The following FRS2 variants were observed in gnomAD, a reference collection of about 807,000 sequenced individuals.
The protein encoded by FRS2 is fibroblast growth factor receptor substrate 2, also known as FGFR signalling adaptor.
FRS2 carries 8 observed loss-of-function variants against 43.9 expected under a neutral mutation model. The observed-to-expected ratio is 0.18, with a 90% CI of 0.11 to 0.33. The LOEUF (loss-of-function observed/expected upper bound fraction) is 0.33. FRS2 is among the 10% of genes least tolerant of loss of function. FRS2 has a pLI of 1.00. For missense variants in FRS2, 534 were observed against 627.6 expected, an observed-to-expected ratio of 0.85 and a Z score of 1.59; for synonymous variants, 219 against 220.3, an observed-to-expected ratio of 0.99 and a Z score of 0.05.
intron 1 of FRS2, among the ~76,000 whole-genome samples, chr12:69,476,743 G>C (rs1218833294): frequency 2.1e-5 from 3 of 143,114 alleles, no homozygotes; most frequent in African/African-American, 5.3e-5. Flanking sequence ...AGGCGGCTGT[G>C]GGGGAGGGAC....
intron 4 of FRS2, among the ~76,000 whole-genome samples, chr12:69,562,503 A>G (rs1478716590): frequency 2.0e-5 from 3 of 151,930 alleles, no homozygotes; most frequent in African/African-American, 7.3e-5. Context: ...GTTTTCTTGA[A>G]CTGCAACCAT....
chr12:69,478,889 G>A (rs933539308), intron 1 of FRS2, among the ~76,000 whole-genome samples: 3 of 151,034 alleles, frequency 2.0e-5, no homozygotes, highest in African/African-American at 4.9e-5. Context: ...TTAAGTAACC[G>A]CCATCTGAAT....
rs947361583 is a variant in FRS2 at position 69,532,004 on chromosome 12, A to G, written c.-164-10A>G. The G allele has an allele frequency of 6.5e-6, 1 of 152,686 alleles. No homozygotes were observed. The highest frequency in any genetic ancestry group is 1.9e-4 in the East Asian group (1 of 5,192). The allele number at this position is 152,686 out of a possible 1,614,324, so 9.5% of individuals were successfully genotyped here. A position where few individuals can be genotyped will look rare whatever the true frequency, so the allele number is the denominator to read the frequency against. Reference sequence around the variant, plus strand: ...CTAACATTTCCACTTTCTACCTGAAATTTTTTTAGGAACAAAATTGTATCT... The same window carrying G: ...CTAACATTTCCACTTTCTACCTGAAGTTTTTTTAGGAACAAAATTGTATCT... On this transcript the variant is annotated splice_polypyrimidine_tract_variant and intron_variant, in intron 2 of 8. Coordinates refer to ENST00000549921, the MANE Select transcript of FRS2 (RefSeq NM_001278356.2).
At chr12:69,518,191 A>T (rs1172144489) in intron 1 of FRS2, among the ~76,000 whole-genome samples, 1 of 152,198 alleles carries the variant, frequency 6.6e-6, no homozygotes, top group Non-Finnish European at 1.5e-5. Context: ...ATGAAACATG[A>T]ATTCTACTTC....
At position 69,471,521 on chromosome 12, in the gene FRS2, G is replaced by C. The variant is rs77636534; in HGVS notation, c.-261+991G>C. On this transcript the variant is annotated intron_variant, in intron 1 of 8. Coordinates refer to ENST00000549921, the MANE Select transcript of FRS2 (RefSeq NM_001278356.2). ...TTGCTGCAATGCAGAGTTTCACACA[G>C]GTGGGCAGAGATGTTTTGTTTAAAC... Among the ~76,000 whole-genome samples the C allele has an allele frequency of 1.3e-3, 191 of 152,338 alleles. 2 individuals carry two copies. In the East Asian group the frequency reaches 0.035, roughly 28 times the overall value.
chr12:69,527,423 AT>A (rs1876369420), intron 1 of FRS2, among the ~76,000 whole-genome samples: 1 of 140,968 alleles, frequency 7.1e-6, no homozygotes, highest in African/African-American at 2.7e-5. Context: ...GGCTCAAAGA[AT>A]CCTCCTGCCT....
Position 69,574,037 on chromosome 12 carries a change from A to G in FRS2, c.609A>G (p.Gln203=). Residue 203 remains glutamine (Q), a synonymous_variant, in exon 9 of 9, where the codon CAA becomes CAG. Coordinates refer to ENST00000549921, the MANE Select transcript of FRS2 (RefSeq NM_001278356.2). ...CCTATGTCAACACTACAGGTGTGCA[A>G]GAAGAGCGGAAAAACCGCACAAGTG... is the stretch of plus-strand genomic sequence containing the variant. The part of the protein sequence containing the change: ...VHTYVNTTGV[Q]EERKNRTSVH... 6.2e-7 allele frequency: 1 copy of G among 1,613,754 alleles called. No homozygotes were observed. Among genetic ancestry groups the G allele is most frequent in the South Asian group, 1.1e-5 (1 of 91,020 alleles).
intron 3 of FRS2, among the ~76,000 whole-genome samples, chr12:69,550,740 G>A (rs1013595073): frequency 4.6e-5 from 7 of 152,208 alleles, no homozygotes; most frequent in South Asian, 2.1e-4. Flanking sequence ...TTTCTATTTA[G>A]AAGGATGAAT....
intron 3 of FRS2, among the ~76,000 whole-genome samples, chr12:69,540,080 C>T (rs777811635): frequency 6.6e-6 from 1 of 151,850 alleles, no homozygotes; most frequent in Admixed American, 6.6e-5. Flanking sequence ...AGTGAAACCT[C>T]GTCTCTACTA....
At chr12:69,498,571 C>G (rs1044537217) in intron 1 of FRS2, among the ~76,000 whole-genome samples, 2 of 108,486 alleles carry the variant, frequency 1.8e-5, no homozygotes, top group Admixed American at 8.7e-5. Flanking sequence ...TTGTTTGTTT[C>G]GTTTTTTTTT....
intron 3 of FRS2, chr12:69,538,129 C>T (rs571035475): frequency 6.7e-6 from 1 of 148,996 alleles, no homozygotes; most frequent in African/African-American, 2.5e-5. Flanking sequence ...CAAGAGCCAC[C>T]TTTCGTAGCT....
chr12:69,529,748 A>G (rs1334797282), intron 1 of FRS2, among the ~76,000 whole-genome samples: 1 of 152,154 alleles, frequency 6.6e-6, no homozygotes, highest in African/African-American at 2.4e-5. Context: ...CATGGAATTC[A>G]TTGTTTTAGG....
At chr12:69,511,435 A>G (rs1874445189) in intron 1 of FRS2, among the ~76,000 whole-genome samples, 1 of 152,232 alleles carries the variant, frequency 6.6e-6, no homozygotes, top group South Asian at 2.1e-4. Context: ...TGTTTTATAA[A>G]TGGAATAAAA....
intron 1 of FRS2, among the ~76,000 whole-genome samples, chr12:69,473,208 G>T (rs959701958): frequency 1.3e-5 from 2 of 152,216 alleles, no homozygotes; most frequent in African/African-American, 4.8e-5. Context: ...AATGAGGACA[G>T]TGAGGCTCAA....
chr12:69,478,247 A>G (rs940586639), intron 1 of FRS2, among the ~76,000 whole-genome samples: 2 of 152,154 alleles, frequency 1.3e-5, no homozygotes, highest in African/African-American at 4.8e-5. Context: ...TTTTAAAATT[A>G]TCAATGTATT....
intron 1 of FRS2, among the ~76,000 whole-genome samples, chr12:69,521,249 A>G (rs547453649): frequency 6.6e-6 from 1 of 152,120 alleles, no homozygotes; most frequent in African/African-American, 2.4e-5. Context: ...TAGTACATTG[A>G]TTTTGTATCC....
At chr12:69,530,246 A>G (rs1876657883) in intron 1 of FRS2, among the ~76,000 whole-genome samples, 1 of 151,996 alleles carries the variant, frequency 6.6e-6, no homozygotes, top group South Asian at 2.1e-4. Flanking sequence ...TTCAGAATGT[A>G]CTATATTAGG....
intron 1 of FRS2, among the ~76,000 whole-genome samples, chr12:69,497,212 G>A (rs1359843955): frequency 1.3e-5 from 2 of 152,222 alleles, no homozygotes; most frequent in African/African-American, 2.4e-5. Flanking sequence ...TAATTCATTG[G>A]TGGTAATAAG....
intron 3 of FRS2, among the ~76,000 whole-genome samples, chr12:69,540,950 ATACTT>A (rs1333970596): frequency 6.6e-6 from 1 of 152,216 alleles, no homozygotes; most frequent in African/African-American, 2.4e-5. Flanking sequence ...ATTCTACAAA[ATACTT>A]TACAGGTGCT....
Sources: allele counts gnomAD v4.1 joint callset (sites outside exome capture counted in the v4.1 genomes callset), GRCh38; gene constraint gnomAD v4.1.1; transcripts MANE v1.5; gene names NCBI Gene and HGNC (gene_info 2026-07-23, HGNC 2026-07-21).